The following CACNA1C variants were observed in gnomAD, a reference collection of about 807,000 sequenced individuals.
CACNA1C encodes voltage-dependent L-type calcium channel subunit alpha-1C.
CACNA1C carries 30 observed loss-of-function variants against 229.0 expected under a neutral mutation model. That is an observed-to-expected ratio of 0.13 (90% CI 0.10 to 0.18). The LOEUF is 0.18. Among genes scored for constraint, CACNA1C ranks in the 10% least tolerant of loss-of-function variants. The pLI, the probability that CACNA1C is intolerant of heterozygous loss-of-function variation, is 1.00. For missense variants in CACNA1C, 1,658 were observed against 2,845.0 expected, an observed-to-expected ratio of 0.58 and a Z score of 9.49; for synonymous variants, 1,114 against 1,132.5, an observed-to-expected ratio of 0.98 and a Z score of 0.33.
intron 3 of CACNA1C, among the ~76,000 whole-genome samples, chr12:2,438,308 G>GTGA (rs2099170366): frequency 1.3e-5 from 2 of 150,318 alleles, no homozygotes; most frequent in African/African-American, 4.9e-5. Flanking sequence ...GGTGGTGGTG[G>GTGA]TGGTTGTGGT....
intron 3 of CACNA1C, among the ~76,000 whole-genome samples, chr12:2,398,979 G>A (rs1399135197): frequency 1.3e-5 from 2 of 152,184 alleles, no homozygotes. Flanking sequence ...CCAGGAACAT[G>A]GGGCTTTGGG....
chr12:2,505,196 A>G (rs779815512), intron 8 of CACNA1C, among the ~76,000 whole-genome samples: 11 of 152,066 alleles, frequency 7.2e-5, no homozygotes, highest in Non-Finnish European at 1.2e-4. Flanking sequence ...CCCAGCCTCA[A>G]GTAGCTGTCC....
rs376709612 is a variant in CACNA1C at position 2,396,700 on chromosome 12, G to A, written c.478-52276G>A. Among the ~76,000 whole-genome samples, 4 of 152,270 alleles carry A rather than the reference G, an allele frequency of 2.6e-5. No individual in the cohort carries two copies. In the East Asian group the frequency reaches 5.8e-4, roughly 22 times the overall value. On this transcript the variant is annotated intron_variant, in intron 3 of 46. Transcript: ENST00000399655. Reference sequence around the variant, plus strand: ...GCCCCTGGCCTATGGCCACACAGCAGGCGCCTCTTGGCCAAGAGCTCTGGC... The same window carrying A: ...GCCCCTGGCCTATGGCCACACAGCAAGCGCCTCTTGGCCAAGAGCTCTGGC...
rs139971004 is a variant in CACNA1C at position 2,352,448 on chromosome 12, C to T, written c.478-96528C>T. 3.1e-3 allele frequency among the ~76,000 whole-genome samples: 478 copies of T among 152,284 alleles called. 2 individuals are homozygous for T. The highest frequency in any genetic ancestry group is 8.7e-3 in the African/African-American group (362 of 41,548). ...GCAGGAAGATTTGGGGAAACGTGGT[C>T]GGGTTTGAAGACCTTCACAAGACAT... On this transcript the variant is annotated intron_variant, in intron 3 of 46. Transcript: ENST00000399655.
intron 3 of CACNA1C, among the ~76,000 whole-genome samples, chr12:2,294,473 C>T (rs2093824460): frequency 6.7e-6 from 1 of 150,294 alleles, no homozygotes; most frequent in South Asian, 2.1e-4. Flanking sequence ...TGAGGAGACT[C>T]GGAAGGGTCA....
intron 29 of CACNA1C, among the ~76,000 whole-genome samples, chr12:2,623,256 C>A (rs1340184506): frequency 1.3e-5 from 2 of 152,248 alleles, no homozygotes; most frequent in South Asian, 4.2e-4. Flanking sequence ...GGCATTCTCC[C>A]TCCCATCCCT....
chr12:2,126,658 G>A (rs895825388), intron 3 of CACNA1C, among the ~76,000 whole-genome samples: 1 of 152,214 alleles, frequency 6.6e-6, no homozygotes, highest in African/African-American at 2.4e-5. Context: ...TCCTTCAGAG[G>A]TTGTGAGAGG....
chr12:2,335,602 T>C (rs1381622472), intron 3 of CACNA1C, among the ~76,000 whole-genome samples: 1 of 152,194 alleles, frequency 6.6e-6, no homozygotes, highest in Non-Finnish European at 1.5e-5. Context: ...TTCTTTCACA[T>C]GTGTCTACTC....
chr12:2,202,969 A>C (rs905282667), intron 3 of CACNA1C, among the ~76,000 whole-genome samples: 3 of 152,132 alleles, frequency 2.0e-5, no homozygotes, highest in Admixed American at 6.5e-5. Flanking sequence ...ACAATCCTAG[A>C]AACCTAGGAG....
chr12:2,289,055 C>T (rs2093124827), intron 3 of CACNA1C: 1 of 152,180 alleles, frequency 6.6e-6, no homozygotes, highest in Non-Finnish European at 1.5e-5. Flanking sequence ...AATCGGATGC[C>T]TTTGACTAAT....
chr12:2,006,778 TG>T (rs1487196984), intron 1 of CACNA1C, among the ~76,000 whole-genome samples: 1 of 152,218 alleles, frequency 6.6e-6, no homozygotes, highest in African/African-American at 2.4e-5. Flanking sequence ...TGACTGAGGC[TG>T]GGGTCATTTG....
intron 29 of CACNA1C, among the ~76,000 whole-genome samples, chr12:2,626,792 C>T (rs1445706297): frequency 1.3e-5 from 2 of 152,178 alleles, no homozygotes; most frequent in Non-Finnish European, 2.9e-5. Flanking sequence ...CATCTGCTCT[C>T]AGTGGGGAAG....
chr12:2,685,267 G>A (rs1272239057), intron 43 of CACNA1C, among the ~76,000 whole-genome samples: 3 of 150,816 alleles, frequency 2.0e-5, no homozygotes, highest in African/African-American at 7.3e-5. Context: ...TAGAGTGGTT[G>A]TAGGCAGCTG....
At chr12:2,014,035 A>C (rs1043633420) in intron 1 of CACNA1C, among the ~76,000 whole-genome samples, 66 of 152,310 alleles carry the variant, frequency 4.3e-4, no homozygotes, top group African/African-American at 1.6e-3. Context: ...TGTTGGTAAT[A>C]AATAGCCCTC....
At chr12:2,278,758 A>G (rs1441184394) in intron 3 of CACNA1C, among the ~76,000 whole-genome samples, 2 of 152,170 alleles carry the variant, frequency 1.3e-5, no homozygotes, top group Admixed American at 1.3e-4. Flanking sequence ...TGGGAGTGGA[A>G]TGGTTACATC....
At chr12:2,116,406 C>G (rs377495821) in intron 2 of CACNA1C, among the ~76,000 whole-genome samples, 1 of 149,056 alleles carries the variant, frequency 6.7e-6, no homozygotes, top group Non-Finnish European at 1.5e-5. Flanking sequence ...GAGTCTCGCT[C>G]TGTCACCCAG....
intron 22 of CACNA1C, among the ~76,000 whole-genome samples, chr12:2,604,880 G>A (rs959885148): frequency 6.6e-6 from 1 of 152,174 alleles, no homozygotes; most frequent in African/African-American, 2.4e-5. Flanking sequence ...AAAGCCCCAG[G>A]GTTACAGGCA....
intron 24 of CACNA1C, among the ~76,000 whole-genome samples, chr12:2,606,210 C>T (rs1353374640): frequency 1.3e-5 from 2 of 152,190 alleles, no homozygotes; most frequent in East Asian, 1.9e-4. Flanking sequence ...CAGCACCCCT[C>T]GTGTCCTCCT....
chr12:2,417,522 CCT>C (rs1268628848), intron 3 of CACNA1C, among the ~76,000 whole-genome samples: 1 of 152,174 alleles, frequency 6.6e-6, no homozygotes, highest in Admixed American at 6.5e-5. Flanking sequence ...GCGCCAAGGA[CCT>C]CTTTCTGGCC....
Sources: allele counts gnomAD v4.1 joint callset (sites outside exome capture counted in the v4.1 genomes callset), GRCh38; gene constraint gnomAD v4.1.1; transcripts MANE v1.5; gene names NCBI Gene and HGNC (gene_info 2026-07-23, HGNC 2026-07-21).